The following GDI2 variants were observed in gnomAD, a reference collection of about 807,000 sequenced individuals.
GDI2 encodes rab GDP dissociation inhibitor beta.
Under a neutral mutation model 54.2 loss-of-function variants are expected in GDI2, and 22 were observed. The observed-to-expected ratio is 0.41, with a 90% CI of 0.29 to 0.58. The LOEUF (loss-of-function observed/expected upper bound fraction) is 0.58. GDI2 is among the 20% of genes least tolerant of loss of function. The probability of loss-of-function intolerance (pLI) is 0.35; values close to 1 mark genes in which losing one functional copy is unlikely to be tolerated. For synonymous variants in GDI2, 177 were observed against 182.1 expected, an observed-to-expected ratio of 0.97 and a Z score of 0.23; for missense variants, 422 against 546.0, an observed-to-expected ratio of 0.77 and a Z score of 2.26.
chr10:5,790,936 G>A (rs753433503), intron 4 of GDI2, among the ~76,000 whole-genome samples: 2 of 151,970 alleles, frequency 1.3e-5, no homozygotes, highest in Non-Finnish European at 2.9e-5. Flanking sequence ...AGAGATGACT[G>A]CTTGAGCCCA....
intron 1 of GDI2, among the ~76,000 whole-genome samples, chr10:5,805,695 T>C (rs1221679152): frequency 2.0e-5 from 3 of 152,234 alleles, no homozygotes; most frequent in South Asian, 2.1e-4. Context: ...GATGAGGTGA[T>C]ACTGATGATG....
At chr10:5,800,847 CT>C in intron 1 of GDI2, 142 bp from the exon 2 acceptor site, 2 of 610,340 alleles carry the variant, frequency 3.3e-6, no homozygotes, top group Non-Finnish European at 5.9e-6. Context: ...GAAGAAAGCC[CT>C]TAAGAAACCA....
chr10:5,787,096 T>C (rs1840897059), intron 4 of GDI2, among the ~76,000 whole-genome samples: 1 of 152,210 alleles, frequency 6.6e-6, no homozygotes, highest in Admixed American at 6.5e-5. Context: ...ATTTTTAAAA[T>C]ACAACTACAG....
At chr10:5,797,414 A>C (rs528629025) in intron 2 of GDI2, among the ~76,000 whole-genome samples, 1 of 152,100 alleles carries the variant, frequency 6.6e-6, no homozygotes, top group South Asian at 2.1e-4. Context: ...GTATGGTGGC[A>C]GATGCCTGTA....
rs959425558 is a variant in GDI2 at position 5,774,739 on chromosome 10, G to A, written c.720-798C>T. ...CCATGCGATGTCTGGGTTTTACTCT[G>A]CTTCTTCAACTAAAATCGGCTCTTT... On this transcript the variant is annotated intron_variant, in intron 6 of 10. Coordinates refer to ENST00000380191, the MANE Select transcript of GDI2 (RefSeq NM_001494.4). The surrounding 1 kb of genome is among the most constrained non-coding windows in gnomAD (Gnocchi z 4.8). Among the ~76,000 whole-genome samples the A allele has an allele frequency of 6.6e-6, 1 of 152,134 alleles. No individual in the cohort carries two copies.
At chr10:5,798,312 G>T (rs1054502267) in intron 2 of GDI2, among the ~76,000 whole-genome samples, 2 of 152,176 alleles carry the variant, frequency 1.3e-5, no homozygotes, top group Non-Finnish European at 2.9e-5. Context: ...TTCTGGCTGG[G>T]TGCGGTGGCT....
At chr10:5,789,792 A>C (rs1237478867) in intron 4 of GDI2, among the ~76,000 whole-genome samples, 2 of 152,254 alleles carry the variant, frequency 1.3e-5, no homozygotes, top group African/African-American at 4.8e-5. Context: ...GTGCCACTGT[A>C]AACAAAGAAA....
intron 6 of GDI2, among the ~76,000 whole-genome samples, chr10:5,781,112 G>A (rs941378279): frequency 6.6e-6 from 1 of 151,146 alleles, no homozygotes; most frequent in Non-Finnish European, 1.5e-5. Flanking sequence ...AAGGCACCAC[G>A]ACTACCTAGA....
chr10:5,808,912 A>G (rs1481380514), intron 1 of GDI2, among the ~76,000 whole-genome samples: 3 of 152,090 alleles, frequency 2.0e-5, no homozygotes, highest in Non-Finnish European at 4.4e-5. Context: ...TTTATGAAGA[A>G]TGTTTCTTTA....
In GDI2 at chr10:5,774,568, C is replaced by G. The variant is rs1029110097; in HGVS notation, c.720-627G>C. Among the ~76,000 whole-genome samples, 1 of 152,138 alleles carries G rather than the reference C, an allele frequency of 6.6e-6. No homozygotes were observed. Among genetic ancestry groups the G allele is most frequent in the Non-Finnish European group, 1.5e-5 (1 of 68,024 alleles). On this transcript the variant is annotated intron_variant, in intron 6 of 10. Coordinates refer to ENST00000380191, the MANE Select transcript of GDI2 (RefSeq NM_001494.4). The surrounding 1 kb of genome is among the most constrained non-coding windows in gnomAD (Gnocchi z 4.8). ...AACCAATCACCGGAACAGTTCCTCT[C>G]GGCCGCAGCGGCTCTGCATCCATAG... is the stretch of plus-strand genomic sequence containing the variant.
chr10:5,773,856 T>C lies in GDI2; in HGVS notation c.805A>G (p.Lys269Glu), dbSNP rs780505114. Residue 269 changes from lysine (K) to glutamate (E), a missense_variant, in exon 7 of 11, where the codon AAA becomes GAA. By Grantham distance (56) the Lys-to-Glu change is moderately conservative. Coordinates refer to ENST00000380191, the MANE Select transcript of GDI2 (RefSeq NM_001494.4). ...IVQNGKVIGV[K>E]SEGEIARCKQ... Reference sequence around the variant, plus strand: ...AAGCTACTTACTTCTCCTTCAGATTTTACACCAATTACTTTTCCATTCTGT... The same window carrying C: ...AAGCTACTTACTTCTCCTTCAGATTCTACACCAATTACTTTTCCATTCTGT... 2 of 1,431,376 alleles carry C rather than the reference T, an allele frequency of 1.4e-6. No individual in the cohort carries two copies. The highest frequency in any genetic ancestry group is 4.6e-5 in the East Asian group (2 of 43,900). The allele number at this position is 1,431,376 out of a possible 1,614,324, so 88.7% of individuals were successfully genotyped here. A position where few individuals can be genotyped will look rare whatever the true frequency, so the allele number is the denominator to read the frequency against.
At chr10:5,772,871 G>A (rs1168192842) in intron 7 of GDI2, among the ~76,000 whole-genome samples, 4 of 152,190 alleles carry the variant, frequency 2.6e-5, no homozygotes, top group African/African-American at 7.2e-5. Flanking sequence ...GGCTGTGGGT[G>A]CGGAACACCT....
At chr10:5,806,411 A>AC (rs899382252) in intron 1 of GDI2, among the ~76,000 whole-genome samples, 11 of 151,552 alleles carry the variant, frequency 7.3e-5, no homozygotes, top group Admixed American at 7.2e-4. Context: ...AATTTAAAAA[A>AC]AAAAAAACAA....
rs559019836 is a variant in GDI2, at chr10:5,765,280, G to C, written c.*726C>G. On this transcript the variant is annotated 3_prime_UTR_variant, in exon 11 of 11. Coordinates refer to ENST00000380191, the MANE Select transcript of GDI2 (RefSeq NM_001494.4). ...CAGAAATCATTTGGAGCCATTTTGA[G>C]ACAGAAGTAGAGGCTCTGTCAAGTC... is the stretch of plus-strand genomic sequence containing the variant. 1.2e-4 allele frequency: 19 copies of C among 152,794 alleles called. No individual in the cohort carries two copies. Among genetic ancestry groups the C allele is most frequent in the African/African-American group, 4.6e-4 (19 of 41,582 alleles). The allele number at this position is 152,794 out of a possible 1,614,324, so 9.5% of individuals were successfully genotyped here. A position where few individuals can be genotyped will look rare whatever the true frequency, so the allele number is the denominator to read the frequency against.
At chr10:5,809,998 T>C (rs1210965225) in intron 1 of GDI2, among the ~76,000 whole-genome samples, 3 of 152,220 alleles carry the variant, frequency 2.0e-5, no homozygotes, top group Non-Finnish European at 2.9e-5. Flanking sequence ...CTGTAGTGAA[T>C]AGAAAGTCCT....
At chr10:5,804,825 T>C (rs1234013948) in intron 1 of GDI2, among the ~76,000 whole-genome samples, 1 of 150,446 alleles carries the variant, frequency 6.6e-6, no homozygotes, top group Admixed American at 6.7e-5. Flanking sequence ...ATATTTACTA[T>C]CTGGAGCTTT....
intron 2 of GDI2, among the ~76,000 whole-genome samples, chr10:5,798,726 G>A (rs57832226): frequency 2.7e-5 from 4 of 150,724 alleles, no homozygotes; most frequent in African/African-American, 7.3e-5. Context: ...ACCTGTAACC[G>A]CAGCACTTTG....
Position 5,766,032 on chromosome 10 carries a change from T to A in GDI2, c.1312A>T (p.Lys438Ter). 1 of 1,588,586 alleles carries A rather than the reference T, an allele frequency of 6.3e-7. No homozygotes were observed. Among genetic ancestry groups the A allele is most frequent in the Non-Finnish European group, 8.5e-7 (1 of 1,173,104 alleles). ...TAGTCTTCCCCATAGATGTCATTCT[T>A]CTTGCGCTTCATTTCCTCAAAGTCA... ...EFDFEEMKRK[K>*]NDIYGED The change falls in exon 11 of 11, where the codon AAG becomes TAG. Residue 438 changes from lysine to a stop codon, truncating the protein, a stop_gained. Transcript: ENST00000380191. LOFTEE classifies it high-confidence loss of function. This position sits in a 1 kb window ranked among gnomAD's most constrained non-coding sequence, Gnocchi z 5.8.
chr10:5,786,165 A>AT (rs35328258), intron 4 of GDI2, 115 bp from the exon 5 acceptor site: 147,910 of 383,072 alleles, frequency 0.39, 21,908 homozygotes, highest in African/African-American at 0.5. Context: ...GCAGGATGCA[A>AT]TTTTTTTTTT....
Sources: allele counts gnomAD v4.1 joint callset (sites outside exome capture counted in the v4.1 genomes callset), GRCh38; gene constraint gnomAD v4.1.1; non-coding constraint Gnocchi (gnomAD v3.1); transcripts MANE v1.5; gene names NCBI Gene and HGNC (gene_info 2026-07-23, HGNC 2026-07-21).